Variants in NRDE2 observed in about 807,000 individuals in gnomAD.
The protein encoded by NRDE2 is nuclear exosome regulator NRDE2.
In NRDE2, 76 loss-of-function variants were observed where a neutral mutation model predicts 124.2. The observed-to-expected ratio is 0.61, with a 90% CI of 0.51 to 0.74. NRDE2 has a LOEUF of 0.74. Ranked by LOEUF, NRDE2 falls within the 30% of genes least tolerant of loss-of-function variation. The pLI is 0.00. For synonymous variants in NRDE2, 489 were observed against 528.1 expected (o/e 0.93, Z 1.01); for missense variants, 1,314 against 1,417.3 (o/e 0.93, Z 1.17).
chr14:90,286,557 G>C, intron 11 of NRDE2, 65 bp from the exon 12 acceptor site: 1 of 1,565,346 alleles, frequency 6.4e-7, no homozygotes, highest in Non-Finnish European at 8.7e-7. Context: ...AGAAGGAAGA[G>C]ATGCCTGAGT....
chr14:90,281,622 G>A (rs773704148), intron 12 of NRDE2: 3 of 152,206 alleles, frequency 2.0e-5, no homozygotes, highest in Admixed American at 1.3e-4. Context: ...CTTAGCAGAC[G>A]TGTGCCACCT....
At chr14:90,314,499 T>C (rs1425279431) in intron 3 of NRDE2, among the ~76,000 whole-genome samples, 1 of 152,222 alleles carries the variant, frequency 6.6e-6, no homozygotes, top group African/African-American at 2.4e-5. Flanking sequence ...GCTGTAAAGA[T>C]TCCCTGACAT....
Position 90,272,381 on chromosome 14 carries a change from G to A in NRDE2, c.*5955C>T. 2 of 1,577,920 alleles carry A rather than the reference G, an allele frequency of 1.3e-6. No individual in the cohort carries two copies. The highest frequency in any genetic ancestry group is 1.7e-6 in the Non-Finnish European group (2 of 1,160,656). On this transcript the variant is annotated 3_prime_UTR_variant, in exon 14 of 14. Transcript: ENST00000354366. The surrounding 1 kb of genome is among the most constrained non-coding windows in gnomAD (Gnocchi z 4.5). ...AAATGTTCTTTATAAGAAACAGGAAGGCACCCCTGAGGGGCTGTATCTCTA... is the reference window on the plus strand; with the variant it reads ...AAATGTTCTTTATAAGAAACAGGAAAGCACCCCTGAGGGGCTGTATCTCTA...
At position 90,277,243 on chromosome 14, in the gene NRDE2, G is replaced by C. The variant is rs1891824923; in HGVS notation, c.*1093C>G. ...CTCGTGCGCTGCCCTGCCTGCTGCT[G>C]CCCGCTGCGTCCGTCAGTTGCCAGC... On this transcript the variant is annotated 3_prime_UTR_variant, in exon 14 of 14. Transcript: ENST00000354366. 6.6e-6 allele frequency: 1 copy of C among 152,466 alleles called. No individual in the cohort carries two copies. Among genetic ancestry groups the C allele is most frequent in the Admixed American group, 6.5e-5 (1 of 15,284 alleles). 9.4% of individuals were successfully genotyped at this position (152,466 alleles called of 1,614,324 possible).
intron 8 of NRDE2, among the ~76,000 whole-genome samples, chr14:90,295,728 G>A (rs1334081783): frequency 6.6e-6 from 1 of 152,202 alleles, no homozygotes; most frequent in African/African-American, 2.4e-5. Flanking sequence ...GTAAATAAGA[G>A]AAGTTAAAAA....
intron 8 of NRDE2, among the ~76,000 whole-genome samples, chr14:90,297,799 G>A (rs972792134): frequency 6.6e-6 from 1 of 152,042 alleles, no homozygotes; most frequent in African/African-American, 2.4e-5. Flanking sequence ...AAATTAGCTG[G>A]GCATGGTGGC....
Position 90,292,802 on chromosome 14 carries a change from G to C in NRDE2, c.1737C>G (p.Ile579Met), listed in dbSNP as rs916581094. The change falls in exon 9 of 14, where the codon ATC becomes ATG. Residue 579 changes from isoleucine to methionine, a missense_variant. Transcript: ENST00000354366. ...CACGGGAACGCTCAGCAGCAAGCCA[G>C]ATCTGCCACCTGGGCAGAGTCTTAT... ...IKDKTLPRWQ[I>M]WLAAERSRDQ... 15 of 1,614,088 alleles carry C rather than the reference G, an allele frequency of 9.3e-6. No individual in the cohort carries two copies. The highest frequency in any genetic ancestry group is 1.7e-5 in the Admixed American group (1 of 60,008).
intron 1 of NRDE2, among the ~76,000 whole-genome samples, chr14:90,328,370 A>AGG (rs1885534954): frequency 6.6e-6 from 1 of 152,098 alleles, no homozygotes; most frequent in South Asian, 2.1e-4. Context: ...AACTGTATTC[A>AGG]GGGTATCCCA....
chr14:90,318,979 A>C (rs1282006433), intron 1 of NRDE2, among the ~76,000 whole-genome samples: 3 of 152,208 alleles, frequency 2.0e-5, no homozygotes, highest in African/African-American at 7.2e-5. Context: ...TAAGATGTTA[A>C]CTTTTAATGC....
At chr14:90,288,136 G>C in intron 11 of NRDE2, 81 bp downstream of exon 11, 1 of 1,333,924 alleles carries the variant, frequency 7.5e-7, no homozygotes, top group Non-Finnish European at 1.0e-6. Context: ...CTGTCTTCCT[G>C]AGACCCAGCA....
chr14:90,300,941 C>T (rs1595065272), intron 7 of NRDE2, among the ~76,000 whole-genome samples: 1 of 131,148 alleles, frequency 7.6e-6, no homozygotes, highest in Non-Finnish European at 1.6e-5. Context: ...CACAGGCAGG[C>T]AGGCAGGCAG....
intron 13 of NRDE2, 188 bp from the exon 14 acceptor site, chr14:90,278,649 C>G (rs765989408): frequency 6.1e-6 from 4 of 651,204 alleles, no homozygotes; most frequent in Non-Finnish European, 1.0e-5. Context: ...ACACTGAACT[C>G]GCAAAAGTGA....
At chr14:90,329,791 T>C (rs1387095736) in intron 1 of NRDE2, among the ~76,000 whole-genome samples, 6 of 149,010 alleles carry the variant, frequency 4.0e-5, no homozygotes, top group African/African-American at 1.5e-4. Flanking sequence ...TGAGCTGAGA[T>C]TGTGCCACTG....
rs1478576635 is a variant in NRDE2, at chr14:90,288,695, G to A, written c.2680C>T (p.Pro894Ser). The change falls in exon 11 of 14, where the codon CCA becomes TCA. Residue 894 changes from proline to serine, a missense_variant. Transcript: ENST00000354366. Reference protein sequence around the residue: ...DCLGDSCVSNPAPTDSCSRLI... With the variant: ...DCLGDSCVSNSAPTDSCSRLI... Reference sequence around the variant, plus strand: ...CGGCTACAGGAATCGGTGGGAGCTGGATTGGAGACACAGCTGTCACCCAAA... The same window carrying A: ...CGGCTACAGGAATCGGTGGGAGCTGAATTGGAGACACAGCTGTCACCCAAA... 3.7e-6 allele frequency: 6 copies of A among 1,614,024 alleles called. No individual in the cohort carries two copies. The highest frequency in any genetic ancestry group is 2.7e-5 in the African/African-American group (2 of 74,936).
intron 13 of NRDE2, 103 bp from the exon 14 acceptor site, chr14:90,278,564 G>T: frequency 6.8e-7 from 1 of 1,462,224 alleles, no homozygotes; most frequent in Non-Finnish European, 9.4e-7. Context: ...CTGCCCTCCT[G>T]TCGCCCTCCA....
At chr14:90,300,424 A>G (rs1349728001) in intron 7 of NRDE2, among the ~76,000 whole-genome samples, 1 of 152,214 alleles carries the variant, frequency 6.6e-6, no homozygotes, top group Non-Finnish European at 1.5e-5. Context: ...TGGCCTCTCA[A>G]GAAACACTTT....
At chr14:90,298,169 T>G (rs1446969477) in intron 8 of NRDE2, 91 bp downstream of exon 8, 1 of 1,359,640 alleles carries the variant, frequency 7.4e-7, no homozygotes, top group Admixed American at 2.0e-5. Flanking sequence ...AAGCTACTGA[T>G]AAATAGCTTA....
At chr14:90,293,124 T>C (rs576412671) in intron 8 of NRDE2, among the ~76,000 whole-genome samples, 6 of 152,292 alleles carry the variant, frequency 3.9e-5, no homozygotes, top group Admixed American at 2.6e-4. Context: ...AAATGACACA[T>C]ACTCTAGAAC....
chr14:90,282,744 C>T (rs989680623), intron 12 of NRDE2, among the ~76,000 whole-genome samples: 24 of 151,960 alleles, frequency 1.6e-4, no homozygotes, highest in South Asian at 8.3e-4. Context: ...CTCGGCTCAC[C>T]GCAACCTCCG....
Sources: gnomAD v4.1 joint callset for allele counts (sites outside exome capture counted in the v4.1 genomes callset) on GRCh38, gnomAD v4.1.1 for gene constraint, Gnocchi (gnomAD v3.1) non-coding constraint, MANE v1.5 for transcripts, NCBI Gene and HGNC (gene_info 2026-07-23, HGNC 2026-07-21) for gene names.